MAT2B: variants seen among roughly 807,000 people sequenced by gnomAD.
The protein encoded by MAT2B is methionine adenosyltransferase 2 non-catalytic beta subunit, also known as methionine adenosyltransferase 2 subunit beta.
Under a neutral mutation model 36.1 loss-of-function variants are expected in MAT2B, and 16 were observed. The observed-to-expected ratio is 0.44, with a 90% CI of 0.30 to 0.67. MAT2B has a LOEUF of 0.67. Ranked by LOEUF, MAT2B falls within the 30% of genes least tolerant of loss-of-function variation. The pLI is 0.09. For synonymous variants in MAT2B, 148 were observed against 136.9 expected (o/e 1.08, Z -0.57); for missense variants, 332 against 398.2 (o/e 0.83, Z 1.42).
chr5:163,517,790 G>A, intron 6 of MAT2B, 116 bp downstream of exon 6: 1 of 620,742 alleles, frequency 1.6e-6, no homozygotes. Context: ...TATGCTGGCT[G>A]TTCATAGTGC....
chr5:163,517,065 AAATAT>A, intron 5 of MAT2B: 1 of 369,138 alleles, frequency 2.7e-6, no homozygotes, highest in South Asian at 6.6e-5. Context: ...AGTTGGTATT[AAATAT>A]AATATCCATA....
At chr5:163,503,317 A>G, upstream of MAT2B, 1 of 1,390,540 alleles carries the variant, frequency 7.2e-7, no homozygotes, top group Non-Finnish European at 1.0e-6. Flanking sequence ...TGCAGGCAGA[A>G]GCGAACAAAG....
At position 163,519,040 on chromosome 5, in the gene MAT2B, C is replaced by T. The variant is rs1760179179; in HGVS notation, c.*677C>T. On this transcript the variant is annotated 3_prime_UTR_variant, in exon 7 of 7. Coordinates refer to ENST00000321757, the MANE Select transcript of MAT2B (RefSeq NM_013283.5). ...TAAATATATAACTGTCCTTTTCATCCCATGTTGCCGCTAAGTGATATTTCA... is the reference window on the plus strand; with the variant it reads ...TAAATATATAACTGTCCTTTTCATCTCATGTTGCCGCTAAGTGATATTTCA... 1 of 152,284 alleles carries T rather than the reference C, an allele frequency of 6.6e-6. No individual in the cohort carries two copies. Among genetic ancestry groups the T allele is most frequent in the African/African-American group, 2.4e-5 (1 of 41,474 alleles). 9.4% of individuals were successfully genotyped at this position (152,284 alleles called of 1,614,324 possible).
chr5:163,505,594 G>A (rs1170884074), upstream of MAT2B: 2 of 1,247,958 alleles, frequency 1.6e-6, no homozygotes, highest in Non-Finnish European at 2.0e-6. Context: ...GGGCCTAGGG[G>A]AGGCGGGCCG....
chr5:163,515,652 C>A (rs1320364248), intron 4 of MAT2B, among the ~76,000 whole-genome samples: 1 of 151,036 alleles, frequency 6.6e-6, no homozygotes, highest in Non-Finnish European at 1.5e-5. Flanking sequence ...CTATTCATTG[C>A]ATTCAGTTGT....
Position 163,516,463 on chromosome 5 carries a change from C to T in MAT2B, c.527-55C>T, listed in dbSNP as rs548330093. The stretch of plus-strand genomic sequence containing the variant: ...TTTAAATCCACACCCTTGTATCTTA[C>T]ATCAAAATTTAAGAATCAGTCAGCT... On this transcript the variant is annotated intron_variant, in intron 4 of 6. Transcript: ENST00000321757. 10 of 1,433,944 alleles carry T rather than the reference C, an allele frequency of 7.0e-6. No individual in the cohort carries two copies. In the African/African-American group the frequency reaches 9.8e-5, roughly 14 times the overall value. The allele number at this position is 1,433,944 out of a possible 1,614,324, so 88.8% of individuals were successfully genotyped here. A position where few individuals can be genotyped will look rare whatever the true frequency, so the allele number is the denominator to read the frequency against.
intron 1 of MAT2B, among the ~76,000 whole-genome samples, chr5:163,507,043 T>TA (rs778131442): frequency 6.6e-6 from 1 of 151,870 alleles, no homozygotes; most frequent in East Asian, 1.9e-4. Flanking sequence ...CAATCCCACC[T>TA]AAGTAGTCAG....
chr5:163,510,222 A>C (rs980653898), intron 1 of MAT2B, among the ~76,000 whole-genome samples: 2 of 152,214 alleles, frequency 1.3e-5, no homozygotes, highest in East Asian at 3.8e-4. Context: ...GGTGTTACCC[A>C]TCTTGGGAAG....
At chr5:163,515,661 G>T (rs1581215249) in intron 4 of MAT2B, among the ~76,000 whole-genome samples, 1 of 148,676 alleles carries the variant, frequency 6.7e-6, no homozygotes, top group South Asian at 2.1e-4. Context: ...GCATTCAGTT[G>T]TCATGATAAG....
At chr5:163,512,657 C>T in intron 2 of MAT2B, 1 of 444,670 alleles carries the variant, frequency 2.2e-6, no homozygotes, top group Non-Finnish European at 4.5e-6. Flanking sequence ...GGGGATAAAA[C>T]TTGTTTTGAT....
At chr5:163,516,306 T>C (rs1309294709) in intron 4 of MAT2B, among the ~76,000 whole-genome samples, 1 of 152,182 alleles carries the variant, frequency 6.6e-6, no homozygotes, top group Non-Finnish European at 1.5e-5. Context: ...TGCCTTGGCC[T>C]CCCAAAGTGC....
At chr5:163,512,830 G>T (rs768440015) in intron 2 of MAT2B, 2 of 346,718 alleles carry the variant, frequency 5.8e-6, no homozygotes, top group Non-Finnish European at 1.1e-5. Context: ...ACAGGCATGC[G>T]CAACCACACC....
upstream of MAT2B, chr5:163,503,088 AG>A: frequency 3.0e-6 from 1 of 335,190 alleles, no homozygotes; most frequent in Non-Finnish European, 5.5e-6. Flanking sequence ...GTTTTTGTTA[AG>A]TAGTTAGTTC....
chr5:163,515,647 C>T (rs1760118266), intron 4 of MAT2B, among the ~76,000 whole-genome samples: 1 of 151,330 alleles, frequency 6.6e-6, no homozygotes, highest in Non-Finnish European at 1.5e-5. Flanking sequence ...AAAGACTATT[C>T]ATTGCATTCA....
upstream of MAT2B, among the ~76,000 whole-genome samples, chr5:163,503,759 CTT>C (rs1174258245): frequency 1.3e-5 from 2 of 152,128 alleles, no homozygotes; most frequent in African/African-American, 4.8e-5. Context: ...TGTTCTTTGT[CTT>C]TGTATGAATT....
rs763535591 is a variant in MAT2B at position 163,516,514 on chromosome 5, C to CT, written c.527-3dup. The CT allele has an allele frequency of 1.9e-6, 3 of 1,612,764 alleles. No individual in the cohort carries two copies. In the Admixed American group the frequency reaches 5.0e-5, roughly 27 times the overall value. ...TTAAATTATTTGCTTTTATTCTTCT[C>CT]TAGGAGCTGCTGTTTTGAGGATTCC... On this transcript the variant is annotated splice_polypyrimidine_tract_variant and splice_region_variant and intron_variant, in intron 4 of 6. Coordinates refer to ENST00000321757, the MANE Select transcript of MAT2B (RefSeq NM_013283.5).
At chr5:163,506,091 G>GTATTTCTCGATCT (rs1477659806) in intron 1 of MAT2B, among the ~76,000 whole-genome samples, 45 of 152,284 alleles carry the variant, frequency 3.0e-4, no homozygotes, top group African/African-American at 1.0e-3. Flanking sequence ...TCTTTGGTTC[G>GTATTTCTCGATCT]TATTTCTCGA....
rs369992014 is a variant in MAT2B at position 163,512,227 on chromosome 5, G to T, written c.258+31G>T. The T allele has an allele frequency of 5.2e-6, 8 of 1,530,572 alleles. No individual in the cohort carries two copies. The African/African-American group carries it at 9.6e-5, about 18-fold the overall frequency. The allele number at this position is 1,530,572 out of a possible 1,614,324, so 94.8% of individuals were successfully genotyped here. Reference sequence around the variant, plus strand: ...ATTTAGGTTATTTTAAGATATACATGAACAATATTAAGAGTTGTCTGGATG... The same window carrying T: ...ATTTAGGTTATTTTAAGATATACATTAACAATATTAAGAGTTGTCTGGATG... On this transcript the variant is annotated intron_variant, in intron 2 of 6. Coordinates refer to ENST00000321757, the MANE Select transcript of MAT2B (RefSeq NM_013283.5).
At chr5:163,503,996 GTTAAA>G (rs1467899942), upstream of MAT2B, among the ~76,000 whole-genome samples, 1 of 152,188 alleles carries the variant, frequency 6.6e-6, no homozygotes, top group Non-Finnish European at 1.5e-5. Context: ...AAGCAGCCAA[GTTAAA>G]TTCTTTCTGT....
Sources: allele counts gnomAD v4.1 joint callset (sites outside exome capture counted in the v4.1 genomes callset), GRCh38; gene constraint gnomAD v4.1.1; transcripts MANE v1.5; gene names NCBI Gene and HGNC (gene_info 2026-07-23, HGNC 2026-07-21).